Variants in SYN3 observed in about 807,000 individuals in gnomAD.
SYN3 encodes the protein synapsin-3.
SYN3 carries 35 observed loss-of-function variants against 65.8 expected under a neutral mutation model. The ratio of observed to expected loss-of-function variants is 0.53; its 90% CI spans 0.41 to 0.70. The LOEUF is 0.70. Among genes scored for constraint, SYN3 ranks in the 30% least tolerant of loss-of-function variants. SYN3 has a pLI of 0.00. For synonymous variants in SYN3, 270 were observed against 292.9 expected (o/e 0.92, Z 0.80); for missense variants, 680 against 749.0 (o/e 0.91, Z 1.08).
intron 2 of SYN3, among the ~76,000 whole-genome samples, chr22:32,988,821 A>C (rs1167827059): frequency 6.6e-6 from 1 of 152,122 alleles, no homozygotes; most frequent in African/African-American, 2.4e-5. Flanking sequence ...CAAAGGAAGT[A>C]GGTACGTCCT....
intron 6 of SYN3, chr22:32,802,048 TG>T: frequency 1.3e-6 from 2 of 1,575,874 alleles, no homozygotes; most frequent in Non-Finnish European, 8.6e-7. Flanking sequence ...AGCTGGAGCC[TG>T]GGGGACTGGG....
intron 1 of SYN3, among the ~76,000 whole-genome samples, chr22:33,055,702 TATATTG>T (rs2054243752): frequency 6.6e-6 from 1 of 152,182 alleles, no homozygotes; most frequent in African/African-American, 2.4e-5. Flanking sequence ...CCAAGAAGGT[TATATTG>T]AAACTGAAGG....
intron 6 of SYN3, among the ~76,000 whole-genome samples, chr22:32,774,093 G>T (rs1332040574): frequency 6.6e-6 from 1 of 151,978 alleles, no homozygotes. Flanking sequence ...GGAAGGGAGG[G>T]TCTTGATGGG....
chr22:32,975,765 A>G (rs943173576), intron 3 of SYN3, among the ~76,000 whole-genome samples: 1 of 152,256 alleles, frequency 6.6e-6, no homozygotes, highest in Non-Finnish European at 1.5e-5. Context: ...AAGAAGGAAA[A>G]CAAAGCCAAG....
chr22:32,834,613 A>G (rs529584227), intron 6 of SYN3, among the ~76,000 whole-genome samples: 3 of 152,294 alleles, frequency 2.0e-5, no homozygotes, highest in Admixed American at 1.3e-4. Flanking sequence ...TGTTTTGCAG[A>G]TACTCTGTGG....
intron 6 of SYN3, among the ~76,000 whole-genome samples, chr22:32,778,569 G>A (rs969195892): frequency 6.6e-6 from 1 of 152,140 alleles, no homozygotes; most frequent in Non-Finnish European, 1.5e-5. Context: ...TGGGATTACA[G>A]ATGTGAGCCA....
At chr22:32,571,431 C>T (rs5749465) in intron 7 of SYN3, among the ~76,000 whole-genome samples, 46,829 of 151,992 alleles carry the variant, frequency 0.31, 7,475 homozygotes, top group East Asian at 0.52. Context: ...AGGCCTTTTG[C>T]TCATCCTATC....
intron 6 of SYN3, among the ~76,000 whole-genome samples, chr22:32,726,493 A>T (rs1382409858): frequency 6.6e-6 from 1 of 152,124 alleles, no homozygotes; most frequent in Admixed American, 6.6e-5. Flanking sequence ...CTATATCCAT[A>T]TGGGCTTTAC....
At chr22:32,533,735 C>T (rs945689795) in intron 10 of SYN3, 58 bp downstream of exon 10, 3 of 1,236,400 alleles carry the variant, frequency 2.4e-6, no homozygotes, top group Non-Finnish European at 3.5e-6. Flanking sequence ...GGATTCCCTC[C>T]CCCTGGCACG....
Position 32,693,210 on chromosome 22 carries a change from C to T in SYN3, c.712-96474G>A, listed in dbSNP as rs1170127126. On this transcript the variant is annotated intron_variant, in intron 6 of 13. Coordinates refer to ENST00000358763, the MANE Select transcript of SYN3 (RefSeq NM_003490.4). ...AACGATTATAATAATATGTCAGTAT[C>T]ACTACCCTTGTGCTGTGCGGCCATG... Among the ~76,000 whole-genome samples the T allele has an allele frequency of 2.6e-5, 4 of 152,122 alleles. No homozygotes were observed. In the East Asian group the frequency reaches 5.8e-4, roughly 22 times the overall value.
intron 6 of SYN3, among the ~76,000 whole-genome samples, chr22:32,838,165 G>A (rs147988973): frequency 2.0e-5 from 3 of 152,296 alleles, no homozygotes; most frequent in African/African-American, 7.2e-5. Context: ...CCAAGACATG[G>A]CACAGGATCT....
chr22:32,830,915 TG>T (rs1201359186), intron 6 of SYN3, among the ~76,000 whole-genome samples: 2 of 152,118 alleles, frequency 1.3e-5, no homozygotes, highest in Non-Finnish European at 2.9e-5. Flanking sequence ...TCAGCCTGGA[TG>T]GGGTTTTGTT....
intron 9 of SYN3, among the ~76,000 whole-genome samples, chr22:32,534,350 G>T (rs1290198621): frequency 6.6e-6 from 1 of 151,974 alleles, no homozygotes; most frequent in Non-Finnish European, 1.5e-5. Flanking sequence ...GGCTCCAGAA[G>T]TCCCTCCAGG....
intron 6 of SYN3, among the ~76,000 whole-genome samples, chr22:32,711,396 G>T (rs1440813726): frequency 1.3e-5 from 2 of 152,164 alleles, no homozygotes. Flanking sequence ...AGGTCTGAAA[G>T]GTCATTAACT....
intron 6 of SYN3, among the ~76,000 whole-genome samples, chr22:32,645,782 A>G (rs1019399011): frequency 6.6e-6 from 1 of 152,026 alleles, no homozygotes; most frequent in Non-Finnish European, 1.5e-5. Flanking sequence ...AGGAGACAAC[A>G]GATTTGGGAG....
intron 6 of SYN3, among the ~76,000 whole-genome samples, chr22:32,711,693 A>C (rs2060968257): frequency 6.6e-6 from 1 of 152,200 alleles, no homozygotes; most frequent in Admixed American, 6.5e-5. Flanking sequence ...TTGCAAGCCA[A>C]GAGGTCTATT....
At chr22:32,834,120 GGGTTGGA>G in intron 6 of SYN3, among the ~76,000 whole-genome samples, 1 of 151,928 alleles carries the variant, frequency 6.6e-6, no homozygotes, top group East Asian at 1.9e-4. Flanking sequence ...CTAGGAACAG[GGGTTGGA>G]GGTGTGCTTC....
At chr22:32,535,555 G>A (rs1044493046) in intron 9 of SYN3, among the ~76,000 whole-genome samples, 2 of 152,178 alleles carry the variant, frequency 1.3e-5, no homozygotes, top group Non-Finnish European at 2.9e-5. Context: ...TGACTTGTGG[G>A]TGCCACACAC....
chr22:32,946,699 C>CT (rs1174198724), intron 3 of SYN3, among the ~76,000 whole-genome samples: 5 of 151,926 alleles, frequency 3.3e-5, no homozygotes, highest in African/African-American at 7.2e-5. Context: ...ATAAAAAAAA[C>CT]TTTTTTCCCT....
Sources: gnomAD v4.1 joint callset for allele counts (sites outside exome capture counted in the v4.1 genomes callset) on GRCh38, gnomAD v4.1.1 for gene constraint, MANE v1.5 for transcripts, NCBI Gene and HGNC (gene_info 2026-07-23, HGNC 2026-07-21) for gene names.